PRR14: variants seen among roughly 807,000 people sequenced by gnomAD.
The protein encoded by PRR14 is proline-rich protein 14.
PRR14 carries 33 observed loss-of-function variants against 57.2 expected under a neutral mutation model. That is an observed-to-expected ratio of 0.58 (90% CI 0.44 to 0.77). PRR14 has a LOEUF of 0.77. Among genes scored for constraint, PRR14 ranks in the 30% least tolerant of loss-of-function variants. PRR14 has a pLI of 0.00. For synonymous variants in PRR14, 303 were observed against 314.7 expected, an observed-to-expected ratio of 0.96 and a Z score of 0.39; for missense variants, 716 against 788.1, an observed-to-expected ratio of 0.91 and a Z score of 1.10.
Position 30,653,014 on chromosome 16 carries a change from G to A in PRR14, c.415G>A (p.Glu139Lys). Residue 139 changes from glutamate to lysine, a missense_variant, in exon 5 of 12, where the codon GAG (glutamate) becomes AAG (lysine). By Grantham distance (56) the Glu-to-Lys change is moderately conservative. Coordinates refer to ENST00000300835, the MANE Select transcript of PRR14 (RefSeq NM_024031.5). ...ATCAAGGACAACCCCTGGCCCAGAG[G>A]AGGGCCCTTCACAAAAGGTGGACCG... ...RRSRTTPGPE[E>K]GPSQKVDRAP... 1 of 1,614,092 alleles carries A rather than the reference G, an allele frequency of 6.2e-7. No homozygotes were observed. The highest frequency in any genetic ancestry group is 8.5e-7 in the Non-Finnish European group (1 of 1,179,988).
At chr16:30,654,079 AG>A in intron 6 of PRR14, 150 bp from the exon 7 acceptor site, 1 of 655,744 alleles carries the variant, frequency 1.5e-6, no homozygotes, top group South Asian at 1.8e-5. Flanking sequence ...CAGTGAGCTG[AG>A]ATTGTGCCCC....
chr16:30,652,232 C>CA (rs2052320685), intron 3 of PRR14: 3 of 519,542 alleles, frequency 5.8e-6, no homozygotes, highest in East Asian at 4.1e-5. Context: ...TTTTTTCTAT[C>CA]TTTTTTTTTT....
Position 30,651,238 on chromosome 16 carries a change from G to A in PRR14, c.-51+111G>A. 3.0e-6 allele frequency: 1 copy of A among 332,688 alleles called. No individual in the cohort carries two copies. Among genetic ancestry groups the A allele is most frequent in the Non-Finnish European group, 6.1e-6 (1 of 163,334 alleles). 20.6% of individuals were successfully genotyped at this position (332,688 alleles called of 1,614,324 possible). The stretch of plus-strand genomic sequence containing the variant: ...CGGCCACTCGCTGGGAGAGGAGGAG[G>A]ATCGCAGAGGGATCCAGCGGAAATA... On this transcript the variant is annotated intron_variant, in intron 1 of 11. Transcript: ENST00000300835. This position sits in a 1 kb window ranked among gnomAD's most constrained non-coding sequence, Gnocchi z 5.0.
At position 30,655,286 on chromosome 16, in the gene PRR14, T is replaced by C. The variant is rs2052358977; in HGVS notation, c.1245-65T>C. 1.2e-6 allele frequency: 2 copies of C among 1,603,552 alleles called. No individual in the cohort carries two copies. Among genetic ancestry groups the C allele is most frequent in the Admixed American group, 1.7e-5 (1 of 59,900 alleles). Reference sequence around the variant, plus strand: ...CCAGCCTCCTTCCCTGAGTATCCAGTGGGCAGGAGACGGGGGATAATGCAG... The same window carrying C: ...CCAGCCTCCTTCCCTGAGTATCCAGCGGGCAGGAGACGGGGGATAATGCAG... On this transcript the variant is annotated intron_variant, in intron 8 of 11. Transcript: ENST00000300835. The surrounding 1 kb of genome is among the most constrained non-coding windows in gnomAD (Gnocchi z 4.6).
At position 30,652,229 on chromosome 16, in the gene PRR14, T is replaced by A. The variant is rs767283826; in HGVS notation, c.192+265T>A. On this transcript the variant is annotated intron_variant, in intron 3 of 11. Coordinates refer to ENST00000300835, the MANE Select transcript of PRR14 (RefSeq NM_024031.5). ...AGAAACTCTTCTGCTTCTTTTTTTC[T>A]ATCTTTTTTTTTTTTTTAGAGACAG... The A allele has an allele frequency of 4.8e-6, 3 of 622,726 alleles. No individual in the cohort carries two copies. In the South Asian group the frequency reaches 5.0e-5, roughly 10 times the overall value. The allele number at this position is 622,726 out of a possible 1,614,324, so 38.6% of individuals were successfully genotyped here.
In PRR14 at chr16:30,653,021, C is replaced by A. The variant is rs199845419; in HGVS notation, c.422C>A (p.Pro141His). ...ACAACCCCTGGCCCAGAGGAGGGCCCTTCACAAAAGGTGGACCGGGCCCCC... is the reference window on the plus strand; with the variant it reads ...ACAACCCCTGGCCCAGAGGAGGGCCATTCACAAAAGGTGGACCGGGCCCCC... Reference protein sequence around the residue: ...SRTTPGPEEGPSQKVDRAPQP... With the variant: ...SRTTPGPEEGHSQKVDRAPQP... The change falls in exon 5 of 12, where the codon CCT becomes CAT. Residue 141 changes from proline (P) to histidine (H), a missense_variant. Physicochemically the swap from Pro to His is moderately conservative, Grantham distance 77 (BLOSUM62 -2). Coordinates refer to ENST00000300835, the MANE Select transcript of PRR14 (RefSeq NM_024031.5). 1.2e-6 allele frequency: 2 copies of A among 1,613,942 alleles called. No individual in the cohort carries two copies. The highest frequency in any genetic ancestry group is 1.6e-4 in the Middle Eastern group (1 of 6,084).
Position 30,654,912 on chromosome 16 carries a change from T to G in PRR14, c.942T>G (p.Thr314=), listed in dbSNP as rs1228879991. The G allele has an allele frequency of 1.2e-6, 2 of 1,612,280 alleles. No individual in the cohort carries two copies. Among genetic ancestry groups the G allele is most frequent in the Non-Finnish European group, 1.7e-6 (2 of 1,179,716 alleles). ...GGCCCCCAATCCGCCAGTGGCGAACTCAGGACCACAATACCCCAGCACTTC... is the reference window on the plus strand; with the variant it reads ...GGCCCCCAATCCGCCAGTGGCGAACGCAGGACCACAATACCCCAGCACTTC... ...SPRPPIRQWR[T]QDHNTPALLP... is the part of the protein sequence containing the mutation. The change falls in exon 8 of 12, where the codon ACT becomes ACG. Residue 314 remains threonine (T), a synonymous_variant. Transcript: ENST00000300835.
In PRR14 at chr16:30,655,941, T is replaced by TTGTG; in HGVS notation, c.1478+2_1478+3insTGTG. On this transcript the variant is annotated splice_region_variant and intron_variant, in intron 11 of 11. Transcript: ENST00000300835. The surrounding 1 kb of genome is among the most constrained non-coding windows in gnomAD (Gnocchi z 4.6). ...TTACCAATCACCCACAACCAGGAGG[T>TTGTG]GAGACACTTGGAAGGCTAGAGGGTG... 6.2e-7 allele frequency: 1 copy of TTGTG among 1,613,750 alleles called. No homozygotes were observed. Among genetic ancestry groups the TTGTG allele is most frequent in the Non-Finnish European group, 8.5e-7 (1 of 1,179,844 alleles).
chr16:30,655,856 C>G lies in PRR14; in HGVS notation c.1407-12C>G. On this transcript the variant is annotated splice_polypyrimidine_tract_variant and intron_variant, in intron 10 of 11. Transcript: ENST00000300835. This position sits in a 1 kb window ranked among gnomAD's most constrained non-coding sequence, Gnocchi z 4.6. ...CCAAGGTTTCTCAGTGGCCTCTGCT[C>G]TTTGCTCACAGGTTGAACAAGAAGG... 6.2e-7 allele frequency: 1 copy of G among 1,614,134 alleles called. No homozygotes were observed. The highest frequency in any genetic ancestry group is 8.5e-7 in the Non-Finnish European group (1 of 1,179,958).
Position 30,655,757 on chromosome 16 carries a change from C to A in PRR14, c.1407-111C>A, listed in dbSNP as rs2052365061. ...AAAATTGCCTGTCTGCCTTATGTAG[C>A]ACTCCTGGCCCTGACATGTCCCAGA... On this transcript the variant is annotated intron_variant, in intron 10 of 11. Coordinates refer to ENST00000300835, the MANE Select transcript of PRR14 (RefSeq NM_024031.5). The surrounding 1 kb of genome is among the most constrained non-coding windows in gnomAD (Gnocchi z 4.6). 1 of 1,341,192 alleles carries A rather than the reference C, an allele frequency of 7.5e-7. No homozygotes were observed. The highest frequency in any genetic ancestry group is 1.1e-6 in the Non-Finnish European group (1 of 933,158). The allele number at this position is 1,341,192 out of a possible 1,614,324, so 83.1% of individuals were successfully genotyped here. A position where few individuals can be genotyped will look rare whatever the true frequency, so the allele number is the denominator to read the frequency against.
At chr16:30,653,548 CATG>C in intron 6 of PRR14, 140 bp downstream of exon 6, 1 of 873,086 alleles carries the variant, frequency 1.1e-6, no homozygotes, top group Non-Finnish European at 1.8e-6. Flanking sequence ...CGGGCACGCC[CATG>C]CCTAATGCCA....
At chr16:30,652,024 C>T (rs540480534) in intron 3 of PRR14, 60 bp downstream of exon 3, 2 of 1,486,996 alleles carry the variant, frequency 1.3e-6, no homozygotes, top group South Asian at 2.7e-5. Flanking sequence ...CTACCAAACT[C>T]GGGCCAGATC....
chr16:30,655,182 A>T lies in PRR14; in HGVS notation c.1212A>T (p.Ala404=), dbSNP rs1294944661. 1 of 1,598,976 alleles carries T rather than the reference A, an allele frequency of 6.3e-7. No homozygotes were observed. Among genetic ancestry groups the T allele is most frequent in the Non-Finnish European group, 8.5e-7 (1 of 1,171,636 alleles). The stretch of plus-strand genomic sequence containing the variant: ...TCACCACATCTTGCTCGTCCACGGC[A>T]TCCACTTCCTTCTCCGAACCAGCAG... The part of the protein sequence containing the change: ...PSLTTSCSST[A]STSFSEPAEP... Residue 404 remains alanine (A), a synonymous_variant, in exon 8 of 12, where the codon GCA becomes GCT. Transcript: ENST00000300835. The surrounding 1 kb of genome is among the most constrained non-coding windows in gnomAD (Gnocchi z 4.6).
chr16:30,651,234 G>A lies in PRR14; in HGVS notation c.-51+107G>A, dbSNP rs1258992229. Reference sequence around the variant, plus strand: ...TCCTCGGCCACTCGCTGGGAGAGGAGGAGGATCGCAGAGGGATCCAGCGGA... The same window carrying A: ...TCCTCGGCCACTCGCTGGGAGAGGAAGAGGATCGCAGAGGGATCCAGCGGA... On this transcript the variant is annotated intron_variant, in intron 1 of 11. Coordinates refer to ENST00000300835, the MANE Select transcript of PRR14 (RefSeq NM_024031.5). The surrounding 1 kb of genome is among the most constrained non-coding windows in gnomAD (Gnocchi z 5.0). 5.9e-6 allele frequency: 2 copies of A among 338,788 alleles called. No individual in the cohort carries two copies. Among genetic ancestry groups the A allele is most frequent in the African/African-American group, 4.3e-5 (2 of 46,870 alleles). The allele number at this position is 338,788 out of a possible 1,614,324, so 21.0% of individuals were successfully genotyped here. A position where few individuals can be genotyped will look rare whatever the true frequency, so the allele number is the denominator to read the frequency against.
rs748365661 is a variant in PRR14, at chr16:30,652,964, G to A, written c.365G>A (p.Arg122Gln). The change falls in exon 5 of 12, where the codon CGG becomes CAG. Residue 122 changes from arginine to glutamine, a missense_variant. By Grantham distance (43) the Arg-to-Gln change is conservative (BLOSUM62 1). Coordinates refer to ENST00000300835, the MANE Select transcript of PRR14 (RefSeq NM_024031.5). ...CGCGAGCCCTTGAGCCGCATCCACC[G>A]GACCTCTTCCACCCTGAGGCGGCGA... ...LCREPLSRIH[R>Q]TSSTLRRRSR... 2.4e-5 allele frequency: 39 copies of A among 1,614,008 alleles called. No homozygotes were observed. The highest frequency in any genetic ancestry group is 5.0e-5 in the Admixed American group (3 of 59,990).
chr16:30,651,762 C>T lies in PRR14; in HGVS notation c.24-34C>T. 1.9e-6 allele frequency: 3 copies of T among 1,609,586 alleles called. No individual in the cohort carries two copies. The highest frequency in any genetic ancestry group is 1.7e-6 in the Non-Finnish European group (2 of 1,179,806). The stretch of plus-strand genomic sequence containing the variant: ...GAAACTACAGAGCCAGCGACAGGTT[C>T]GGGCGACCGTCCTCTGCTTCTTTCA... On this transcript the variant is annotated intron_variant, in intron 2 of 11. Coordinates refer to ENST00000300835, the MANE Select transcript of PRR14 (RefSeq NM_024031.5). This position sits in a 1 kb window ranked among gnomAD's most constrained non-coding sequence, Gnocchi z 5.0.
chr16:30,651,118 G>T lies in PRR14; in HGVS notation c.-60G>T, dbSNP rs2052307052. ...AGCCTCGCCCGGCGTCTGATTGGCG[G>T]AACCGCGCTGTAGGATTCTTTCCTC... On this transcript the variant is annotated 5_prime_UTR_variant, in exon 1 of 12. Transcript: ENST00000300835. The surrounding 1 kb of genome is among the most constrained non-coding windows in gnomAD (Gnocchi z 5.0). The T allele has an allele frequency of 4.4e-6, 2 of 451,318 alleles. No homozygotes were observed. Among genetic ancestry groups the T allele is most frequent in the Middle Eastern group, 3.2e-4 (1 of 3,080 alleles). 28.0% of individuals were successfully genotyped at this position (451,318 alleles called of 1,614,324 possible).
At position 30,656,246 on chromosome 16, in the gene PRR14, G is replaced by A. The variant is rs2052371249; in HGVS notation, c.1693G>A (p.Glu565Lys). The A allele has an allele frequency of 3.1e-6, 5 of 1,613,340 alleles. No homozygotes were observed. The highest frequency in any genetic ancestry group is 4.2e-6 in the Non-Finnish European group (5 of 1,180,010). Residue 565 changes from glutamate (E) to lysine (K), a missense_variant, in exon 12 of 12, where the codon GAG (glutamate) becomes AAG (lysine). Transcript: ENST00000300835. Reference protein sequence around the residue: ...DVGPLLQQRLEELDALLLEEE... With the variant: ...DVGPLLQQRLKELDALLLEEE... ...GGGCCCCCTGCTCCAGCAGCGGCTG[G>A]AGGAGCTAGATGCCTTGCTCCTGGA...
rs370509483 is a variant in PRR14, at chr16:30,654,805, C to A, written c.835C>A (p.Pro279Thr). The A allele has an allele frequency of 4.2e-5, 68 of 1,602,592 alleles. No homozygotes were observed. The highest frequency in any genetic ancestry group is 5.3e-5 in the Non-Finnish European group (62 of 1,172,348). The change falls in exon 8 of 12, where the codon CCA becomes ACA. Residue 279 changes from proline to threonine, a missense_variant. By Grantham distance (38) the Pro-to-Thr change is conservative. Coordinates refer to ENST00000300835, the MANE Select transcript of PRR14 (RefSeq NM_024031.5). ...CCCACAGCCCCCACCCCCGTCCCCC[C>A]CAATGAAGCTGGAGTTGAAGATCGC... The part of the protein sequence containing the change: ...KTPQPPPPSP[P>T]MKLELKIAIS...
Sources: gnomAD v4.1 joint callset for allele counts on GRCh38, gnomAD v4.1.1 for gene constraint, Gnocchi (gnomAD v3.1) non-coding constraint, MANE v1.5 for transcripts, NCBI Gene and HGNC (gene_info 2026-07-23, HGNC 2026-07-21) for gene names.